The following LYPLAL1 variants were observed in gnomAD, a reference collection of about 807,000 sequenced individuals.
LYPLAL1 encodes the protein lysophospholipase like 1.
In LYPLAL1, 23 loss-of-function variants were observed where a neutral mutation model predicts 19.7. The observed-to-expected ratio is 1.17, with a 90% CI of 0.84 to 1.65. The LOEUF (loss-of-function observed/expected upper bound fraction) is 1.65. Ranked by LOEUF, LYPLAL1 falls within the 40% of genes most tolerant of loss-of-function variation. The probability of loss-of-function intolerance (pLI) is 0.00; values close to 1 mark genes in which losing one functional copy is unlikely to be tolerated. For missense variants in LYPLAL1, 355 were observed against 279.4 expected (o/e 1.27, Z -1.93); for synonymous variants, 119 against 96.3 (o/e 1.24, Z -1.38).
chr1:219,216,143 T>C (rs1301305865), downstream of LYPLAL1, among the ~76,000 whole-genome samples: 1 of 152,098 alleles, frequency 6.6e-6, no homozygotes, highest in African/African-American at 2.4e-5. Flanking sequence ...CTTACATTTT[T>C]CTATATAATA....
At chr1:219,188,722 ATAT>A (rs1404071535) in intron 2 of LYPLAL1, among the ~76,000 whole-genome samples, 1 of 150,974 alleles carries the variant, frequency 6.6e-6, no homozygotes, top group East Asian at 1.9e-4. Flanking sequence ...TTCTAGCTTA[ATAT>A]TTTACCAATG....
At chr1:219,289,770 A>G in the LYPLAL1 span, among the ~76,000 whole-genome samples, 5 of 152,194 alleles carry the variant, frequency 3.3e-5, no homozygotes, top group East Asian at 1.9e-4. Context: ...CATTTTATAA[A>G]TTAAGAAACC....
At chr1:219,338,660 A>G in the LYPLAL1 span, among the ~76,000 whole-genome samples, 2 of 151,930 alleles carry the variant, frequency 1.3e-5, no homozygotes, top group African/African-American at 2.4e-5. Context: ...CATCATCAAC[A>G]TCATGATTAA....
the LYPLAL1 span, among the ~76,000 whole-genome samples, chr1:219,278,873 C>G: frequency 1.3e-5 from 2 of 152,082 alleles, no homozygotes; most frequent in African/African-American, 2.4e-5. Flanking sequence ...AGCAGCATCC[C>G]TGTCCTCTAC....
At chr1:219,184,610 T>A (rs531646314) in intron 2 of LYPLAL1, among the ~76,000 whole-genome samples, 3 of 152,022 alleles carry the variant, frequency 2.0e-5, no homozygotes, top group South Asian at 2.1e-4. Flanking sequence ...GCCTTTTTTT[T>A]ATATTGAGGA....
chr1:219,252,881 T>C, the LYPLAL1 span, among the ~76,000 whole-genome samples: 1 of 152,120 alleles, frequency 6.6e-6, no homozygotes. Flanking sequence ...TTTGTACATC[T>C]GGTACAATCT....
intron 3 of LYPLAL1, among the ~76,000 whole-genome samples, chr1:219,206,723 CTTTT>C (rs531260610): frequency 2.8e-5 from 4 of 141,838 alleles, no homozygotes; most frequent in Non-Finnish European, 3.1e-5. Flanking sequence ...TTCTTTCTCT[CTTTT>C]TTTTTTTTTA....
At chr1:219,219,267 C>T in the LYPLAL1 span, among the ~76,000 whole-genome samples, 2 of 152,130 alleles carry the variant, frequency 1.3e-5, no homozygotes, top group South Asian at 4.1e-4. Flanking sequence ...AATAACAAAT[C>T]AGTTTTCTCT....
At chr1:219,255,822 T>C in the LYPLAL1 span, among the ~76,000 whole-genome samples, 2 of 151,964 alleles carry the variant, frequency 1.3e-5, no homozygotes. Context: ...TATCAAAATA[T>C]TTTTCTATAT....
intron 2 of LYPLAL1, among the ~76,000 whole-genome samples, chr1:219,186,177 C>G (rs1219677979): frequency 2.0e-5 from 3 of 151,688 alleles, no homozygotes; most frequent in Non-Finnish European, 4.4e-5. Context: ...CTGTTGATAT[C>G]TAGTTTCATT....
chr1:219,430,955 A>T, the LYPLAL1 span, among the ~76,000 whole-genome samples: 1 of 152,012 alleles, frequency 6.6e-6, no homozygotes, highest in South Asian at 2.1e-4. Flanking sequence ...GGGATTACAG[A>T]CATGACCCAC....
chr1:219,390,964 G>T, the LYPLAL1 span, among the ~76,000 whole-genome samples: 1 of 152,078 alleles, frequency 6.6e-6, no homozygotes, highest in Non-Finnish European at 1.5e-5. Context: ...CTTGTAACAA[G>T]AATGGGATGA....
the LYPLAL1 span, among the ~76,000 whole-genome samples, chr1:219,436,109 G>A: frequency 6.6e-6 from 1 of 152,168 alleles, no homozygotes; most frequent in Non-Finnish European, 1.5e-5. Context: ...TACAAGATCA[G>A]CCATAGTCAC....
the LYPLAL1 span, among the ~76,000 whole-genome samples, chr1:219,362,007 G>A: frequency 6.6e-6 from 1 of 152,040 alleles, no homozygotes; most frequent in African/African-American, 2.4e-5. Flanking sequence ...GCAACATACT[G>A]GGGAATACCA....
the LYPLAL1 span, among the ~76,000 whole-genome samples, chr1:219,347,705 ACTTT>A: frequency 3.9e-5 from 6 of 152,338 alleles, no homozygotes; most frequent in South Asian, 1.2e-3. Flanking sequence ...ATAACCCATT[ACTTT>A]CTTCTCACAT....
the LYPLAL1 span, among the ~76,000 whole-genome samples, chr1:219,230,304 G>C: frequency 6.6e-6 from 1 of 152,114 alleles, no homozygotes; most frequent in African/African-American, 2.4e-5. Flanking sequence ...GTAGAGACGG[G>C]GTTTCACCAT....
the LYPLAL1 span, among the ~76,000 whole-genome samples, chr1:219,247,357 G>A: frequency 6.6e-6 from 1 of 152,150 alleles, no homozygotes; most frequent in Non-Finnish European, 1.5e-5. Flanking sequence ...CATCTGTCAA[G>A]TGAAATTCAT....
the LYPLAL1 span, among the ~76,000 whole-genome samples, chr1:219,315,124 G>A: frequency 1.3e-5 from 2 of 152,084 alleles, no homozygotes; most frequent in Non-Finnish European, 2.9e-5. Flanking sequence ...GATATTTTAA[G>A]TATTATTGGG....
chr1:219,228,456 T>G, the LYPLAL1 span, among the ~76,000 whole-genome samples: 1 of 152,108 alleles, frequency 6.6e-6, no homozygotes, highest in Non-Finnish European at 1.5e-5. Context: ...ATCTCCAATA[T>G]AGAAAACGTT....
Sources: gnomAD v4.1 joint callset for allele counts (sites outside exome capture counted in the v4.1 genomes callset) on GRCh38, gnomAD v4.1.1 for gene constraint, MANE v1.5 for transcripts, NCBI Gene and HGNC (gene_info 2026-07-23, HGNC 2026-07-21) for gene names.